Variants in SATB1 observed in about 807,000 individuals in gnomAD.
SATB1 encodes the protein DNA-binding protein SATB1.
SATB1 carries 11 observed loss-of-function variants against 86.9 expected under a neutral mutation model. The observed-to-expected ratio is 0.13, with a 90% CI of 0.08 to 0.21. The LOEUF (loss-of-function observed/expected upper bound fraction) is 0.21. SATB1 is among the 10% of genes least tolerant of loss of function. The pLI, the probability that SATB1 is intolerant of heterozygous loss-of-function variation, is 1.00. For missense variants in SATB1, 551 were observed against 937.6 expected (o/e 0.59, Z 5.39); for synonymous variants, 357 against 357.2 (o/e 1.00, Z 0.01).
chr3:18,370,066 C>T (rs1185984116), intron 9 of SATB1, among the ~76,000 whole-genome samples: 2 of 152,162 alleles, frequency 1.3e-5, no homozygotes, highest in Non-Finnish European at 2.9e-5. Context: ...TAATACAGTT[C>T]ATATTGACTT....
chr3:18,386,305 A>G lies in SATB1; in HGVS notation c.1419+94T>C. On this transcript the variant is annotated intron_variant, in intron 8 of 10. Transcript: ENST00000338745. The surrounding 1 kb of genome is among the most constrained non-coding windows in gnomAD (Gnocchi z 4.5). ...TACGAATTTAAAAACATATAAATCT[A>G]TGTATCTATCTATCTAATTTCTTAT... The G allele has an allele frequency of 2.1e-6, 2 of 938,606 alleles. No individual in the cohort carries two copies. The highest frequency in any genetic ancestry group is 3.2e-5 in the South Asian group (2 of 63,432). The allele number at this position is 938,606 out of a possible 1,614,324, so 58.1% of individuals were successfully genotyped here. A position where few individuals can be genotyped will look rare whatever the true frequency, so the allele number is the denominator to read the frequency against.
chr3:18,375,659 G>A (rs1695708440), intron 9 of SATB1, among the ~76,000 whole-genome samples: 1 of 152,092 alleles, frequency 6.6e-6, no homozygotes, highest in Non-Finnish European at 1.5e-5. Context: ...CATAGCATGA[G>A]AACAGAACCT....
At chr3:18,392,571 A>T (rs1237378180) in intron 7 of SATB1, among the ~76,000 whole-genome samples, 1 of 101,930 alleles carries the variant, frequency 9.8e-6, no homozygotes, top group Non-Finnish European at 2.2e-5. Context: ...ATATACACAC[A>T]CATACACACA....
intron 9 of SATB1, among the ~76,000 whole-genome samples, chr3:18,372,527 T>C (rs1223368002): frequency 6.6e-6 from 1 of 152,218 alleles, no homozygotes; most frequent in Non-Finnish European, 1.5e-5. Flanking sequence ...CACCTCTTGA[T>C]ACGACTTTTT....
chr3:18,423,079 C>T (rs889823429), intron 1 of SATB1, among the ~76,000 whole-genome samples: 3 of 152,158 alleles, frequency 2.0e-5, no homozygotes, highest in Non-Finnish European at 4.4e-5. Context: ...GGCTAAAGTT[C>T]ACCAAACCTC....
chr3:18,399,849 AT>A (rs1222120465), intron 5 of SATB1, among the ~76,000 whole-genome samples: 3 of 152,082 alleles, frequency 2.0e-5, no homozygotes, highest in African/African-American at 7.2e-5. Flanking sequence ...GTCTATTTTT[AT>A]TGGACAATAT....
chr3:18,416,152 A>C lies in SATB1; in HGVS notation c.389-19T>G, dbSNP rs1269937965. The C allele has an allele frequency of 2.5e-6, 4 of 1,578,076 alleles. No homozygotes were observed. Among genetic ancestry groups the C allele is most frequent in the South Asian group, 2.3e-5 (2 of 86,784 alleles). ...ATTAGCCCTATTTCAGATAAAGAGA[A>C]TATGTCACTAAATATTTTACCCTCA... On this transcript the variant is annotated intron_variant, in intron 3 of 10. Coordinates refer to ENST00000338745, the MANE Select transcript of SATB1 (RefSeq NM_002971.6).
upstream of SATB1, among the ~76,000 whole-genome samples, chr3:18,428,208 T>C (rs563436614): frequency 6.6e-6 from 1 of 152,308 alleles, no homozygotes; most frequent in Non-Finnish European, 1.5e-5. Flanking sequence ...GGGAGTTCTC[T>C]GCAGAGTCCT....
rs1003015121 is a variant in SATB1, at chr3:18,433,355, C to T, written c.-25+3434G>A. 2.6e-5 allele frequency among the ~76,000 whole-genome samples: 4 copies of T among 151,896 alleles called. No homozygotes were observed. The East Asian group carries it at 7.7e-4, about 29-fold the overall frequency. On this transcript the variant is annotated intron_variant, in intron 2 of 3. Coordinates refer to the SATB1 transcript ENST00000414509. ...TTTGCAAATTGTCTACATAAAAAGA[C>T]TTTAGATTCTATTTTTTTAATAAAA...
intron 5 of SATB1, among the ~76,000 whole-genome samples, chr3:18,401,911 C>T (rs1320161318): frequency 6.6e-6 from 1 of 152,120 alleles, no homozygotes; most frequent in African/African-American, 2.4e-5. Context: ...TACCATCTGC[C>T]ACAGGCTGAG....
In SATB1 at chr3:18,349,855, A is replaced by T. The variant is rs1455834943; in HGVS notation, c.1780-173T>A. On this transcript the variant is annotated intron_variant, in intron 10 of 10. Transcript: ENST00000338745. This position sits in a 1 kb window ranked among gnomAD's most constrained non-coding sequence, Gnocchi z 5.5. ...AATGGCCGACAGCATTTACAAAAAA[A>T]TCAAAATGATATGACTAGGAAGGGA... is the stretch of plus-strand genomic sequence containing the variant. The T allele has an allele frequency of 8.5e-7, 1 of 1,181,550 alleles. No homozygotes were observed. The highest frequency in any genetic ancestry group is 1.1e-6 in the Non-Finnish European group (1 of 872,418). 73.2% of individuals were successfully genotyped at this position (1,181,550 alleles called of 1,614,324 possible). A position where few individuals can be genotyped will look rare whatever the true frequency, so the allele number is the denominator to read the frequency against.
rs1694187863 is a variant in SATB1, at chr3:18,348,726, C to G, written c.*444G>C. 1 of 159,658 alleles carries G rather than the reference C, an allele frequency of 6.3e-6. No individual in the cohort carries two copies. Among genetic ancestry groups the G allele is most frequent in the Admixed American group, 6.0e-5 (1 of 16,616 alleles). 9.9% of individuals were successfully genotyped at this position (159,658 alleles called of 1,614,324 possible). On this transcript the variant is annotated 3_prime_UTR_variant, in exon 11 of 11. Coordinates refer to ENST00000338745, the MANE Select transcript of SATB1 (RefSeq NM_002971.6). ...GTAACATACAATAGAGTAACAAACT[C>G]TTTTTTTTCTTTTTTTTTTTTAAAT...
At chr3:18,389,916 G>A (rs1229051745) in intron 7 of SATB1, among the ~76,000 whole-genome samples, 1 of 152,056 alleles carries the variant, frequency 6.6e-6, no homozygotes, top group Non-Finnish European at 1.5e-5. Context: ...GATGTGTGCT[G>A]TATCTATGAA....
At position 18,348,932 on chromosome 3, in the gene SATB1, T is replaced by C; in HGVS notation, c.*238A>G. 1.7e-6 allele frequency: 1 copy of C among 605,874 alleles called. No homozygotes were observed. The highest frequency in any genetic ancestry group is 2.7e-6 in the Non-Finnish European group (1 of 368,388). The allele number at this position is 605,874 out of a possible 1,614,324, so 37.5% of individuals were successfully genotyped here. On this transcript the variant is annotated 3_prime_UTR_variant, in exon 11 of 11. Transcript: ENST00000338745. ...CTTTGGTGCATCCCGTGAACACAAA[T>C]TTTAATACCAAACAATCCTTGATGC...
rs1341620754 is a variant in SATB1 at position 18,423,855 on chromosome 3, G to A, written c.-253C>T. On this transcript the variant is annotated 5_prime_UTR_variant, in exon 1 of 11. It adds an upstream start codon to the 5' untranslated region. Transcript: ENST00000338745. ...AAGCGGGGGAAGGGCAGAAATAAAC[G>A]TCTAGAAGAGTAGCCATGAGAAAGG... The A allele has an allele frequency of 6.6e-6, 1 of 151,562 alleles. No homozygotes were observed. The highest frequency in any genetic ancestry group is 2.1e-4 in the South Asian group (1 of 4,808). The allele number at this position is 151,562 out of a possible 1,614,324, so 9.4% of individuals were successfully genotyped here.
At position 18,386,813 on chromosome 3, in the gene SATB1, C is replaced by CTGCTT. The variant is rs1696369331; in HGVS notation, c.1207-203_1207-202insAAGCA. 6.6e-6 allele frequency among the ~76,000 whole-genome samples: 1 copy of CTGCTT among 152,232 alleles called. No individual in the cohort carries two copies. The highest frequency in any genetic ancestry group is 2.1e-4 in the South Asian group (1 of 4,832). On this transcript the variant is annotated intron_variant, in intron 7 of 10. Transcript: ENST00000338745. This position sits in a 1 kb window ranked among gnomAD's most constrained non-coding sequence, Gnocchi z 4.5. ...TTAATTTTATTAAGCATCTGCTTTACATATAACATAAACTGAAACTGCCTA... is the reference window on the plus strand; with the variant it reads ...TTAATTTTATTAAGCATCTGCTTTACTGCTTATATAACATAAACTGAAACTGCCTA...
At chr3:18,353,700 C>T (rs904482113) in intron 9 of SATB1, among the ~76,000 whole-genome samples, 5 of 152,118 alleles carry the variant, frequency 3.3e-5, no homozygotes, top group Admixed American at 2.0e-4. Flanking sequence ...TGGAAAGAAG[C>T]ATGGCCTGTT....
chr3:18,370,719 G>A (rs937864054), intron 9 of SATB1, among the ~76,000 whole-genome samples: 6 of 152,090 alleles, frequency 3.9e-5, no homozygotes, highest in Non-Finnish European at 2.9e-5. Flanking sequence ...ATAGGACAGA[G>A]TTGGGGCATG....
At chr3:18,391,564 T>C (rs1286279371) in intron 7 of SATB1, among the ~76,000 whole-genome samples, 2 of 123,988 alleles carry the variant, frequency 1.6e-5, no homozygotes, top group East Asian at 5.0e-4. Flanking sequence ...GAGTGTGATA[T>C]TCCCCTTCCT....
Sources: gnomAD v4.1 joint callset for allele counts (sites outside exome capture counted in the v4.1 genomes callset) on GRCh38, gnomAD v4.1.1 for gene constraint, Gnocchi (gnomAD v3.1) non-coding constraint, MANE v1.5 for transcripts, NCBI Gene and HGNC (gene_info 2026-07-23, HGNC 2026-07-21) for gene names.